UBAP2: variants seen among roughly 807,000 people sequenced by gnomAD.
The protein encoded by UBAP2 is ubiquitin associated protein 2.
UBAP2 carries 75 observed loss-of-function variants against 139.6 expected under a neutral mutation model. That is an observed-to-expected ratio of 0.54 (90% CI 0.45 to 0.65). The LOEUF is 0.65. Ranked by LOEUF, UBAP2 falls within the 30% of genes least tolerant of loss-of-function variation. UBAP2 has a pLI of 0.00. For missense variants in UBAP2, 1,368 were observed against 1,369.6 expected, an observed-to-expected ratio of 1.00 and a Z score of 0.02; for synonymous variants, 526 against 526.2, an observed-to-expected ratio of 1.00 and a Z score of 0.01.
chr9:33,922,635 G>A (rs1328738231), intron 28 of UBAP2, 36 bp from the exon 29 acceptor site: 2 of 1,602,230 alleles, frequency 1.2e-6, no homozygotes, highest in Non-Finnish European at 1.7e-6. Flanking sequence ...GTCAAGGCTG[G>A]AGCAGAACCC....
At chr9:33,937,622 AT>A (rs1824677320) in intron 16 of UBAP2, among the ~76,000 whole-genome samples, 2 of 141,978 alleles carry the variant, frequency 1.4e-5, no homozygotes, top group African/African-American at 2.5e-5. Context: ...AAAAAAAAAA[AT>A]TAAGCTGGGC....
intron 4 of UBAP2, among the ~76,000 whole-genome samples, chr9:33,993,664 TTAA>T (rs1210657815): frequency 6.6e-6 from 1 of 152,168 alleles, no homozygotes; most frequent in Non-Finnish European, 1.5e-5. Flanking sequence ...AGACCCTGTC[TTAA>T]TAAAAAACCC....
At chr9:34,045,278 G>A (rs982387098) in intron 1 of UBAP2, among the ~76,000 whole-genome samples, 5 of 151,396 alleles carry the variant, frequency 3.3e-5, no homozygotes, top group African/African-American at 4.9e-5. Context: ...CCCAGAAGGC[G>A]GAGCTTGAAG....
intron 8 of UBAP2, among the ~76,000 whole-genome samples, chr9:33,966,769 G>T (rs1827494336): frequency 6.6e-6 from 1 of 151,956 alleles, no homozygotes; most frequent in Non-Finnish European, 1.5e-5. Context: ...TGCTAGTAAA[G>T]AAGTACCATA....
At chr9:33,997,546 C>T (rs551595072) in intron 3 of UBAP2, 1 of 152,308 alleles carries the variant, frequency 6.6e-6, no homozygotes, top group East Asian at 1.9e-4. Flanking sequence ...AGCAAAAGTT[C>T]TGCATACTCT....
At chr9:34,008,231 C>T (rs947952202) in intron 2 of UBAP2, among the ~76,000 whole-genome samples, 1 of 150,874 alleles carries the variant, frequency 6.6e-6, no homozygotes, top group South Asian at 2.1e-4. Flanking sequence ...GACAGGAAAA[C>T]TGCTTGAACC....
chr9:33,935,901 G>A, intron 16 of UBAP2, 23 bp from the exon 17 acceptor site: 1 of 1,604,842 alleles, frequency 6.2e-7, no homozygotes, highest in Non-Finnish European at 8.5e-7. Flanking sequence ...GAAGAGAAGA[G>A]AATATAAACT....
chr9:34,014,099 C>T (rs2131263965), intron 2 of UBAP2, among the ~76,000 whole-genome samples: 1 of 151,616 alleles, frequency 6.6e-6, no homozygotes, highest in East Asian at 2.0e-4. Context: ...AAGGGGGGGA[C>T]AGATCACTTG....
At chr9:33,998,225 C>CT (rs1564054872) in intron 3 of UBAP2, 1 of 152,438 alleles carries the variant, frequency 6.6e-6, no homozygotes, top group Admixed American at 6.5e-5. Flanking sequence ...CTGCAGGACT[C>CT]TGTCTCTACA....
chr9:33,948,642 G>T, intron 12 of UBAP2, 55 bp from the exon 13 acceptor site: 1 of 1,510,282 alleles, frequency 6.6e-7, no homozygotes, highest in Non-Finnish European at 9.1e-7. Context: ...TTCTGCCCAA[G>T]GCTTTAAAAC....
chr9:33,927,645 G>T (rs965339157), intron 20 of UBAP2, 152 bp downstream of exon 20: 2 of 719,708 alleles, frequency 2.8e-6, no homozygotes, highest in Non-Finnish European at 4.4e-6. Context: ...TCCCCATCAG[G>T]GGTGGGGAGA....
intron 14 of UBAP2, among the ~76,000 whole-genome samples, chr9:33,943,794 T>C (rs1246311515): frequency 2.0e-5 from 3 of 152,058 alleles, no homozygotes; most frequent in African/African-American, 7.2e-5. Context: ...TGGCTGGGCA[T>C]GGTGGCTCAT....
chr9:33,932,452 A>G, intron 19 of UBAP2, 110 bp downstream of exon 19: 1 of 1,273,566 alleles, frequency 7.9e-7, no homozygotes, highest in South Asian at 1.4e-5. Context: ...TCAGCCAAGC[A>G]ACTCTAGATT....
rs1355738913 is a variant in UBAP2 at position 34,015,230 on chromosome 9, T to A, written c.99+1820A>T. 4.6e-5 allele frequency among the ~76,000 whole-genome samples: 7 copies of A among 152,228 alleles called. No individual in the cohort carries two copies. In the South Asian group the frequency reaches 1.0e-3, roughly 22 times the overall value. On this transcript the variant is annotated intron_variant, in intron 2 of 28. Transcript: ENST00000379238. The stretch of plus-strand genomic sequence containing the variant: ...TAATGCTTAATTTTGCACCAGGTAC[T>A]GTGCTTAGCACTTATCTCACTTCAC...
intron 19 of UBAP2, among the ~76,000 whole-genome samples, chr9:33,928,995 A>T (rs575663837): frequency 3.0e-4 from 46 of 152,304 alleles, no homozygotes; most frequent in African/African-American, 1.0e-3. Flanking sequence ...ACCAAGGTAA[A>T]GACAGCCAAA....
Position 33,923,380 on chromosome 9 carries a change from T to C in UBAP2, c.2895A>G (p.Thr965=). The change falls in exon 25 of 29, where the codon ACA becomes ACG. Residue 965 remains threonine (T), a splice_region_variant and synonymous_variant. Coordinates refer to ENST00000379238, the MANE Select transcript of UBAP2 (RefSeq NM_001370062.2). ...CTCTGTCTGGGAAGTACCCCTCACC[T>C]GTACTGTAGCCGTGCTGGCCATAAC... ...ASGYGQHGYS[T]GYDDLTQGTA... The C allele has an allele frequency of 6.2e-7, 1 of 1,614,180 alleles. No individual in the cohort carries two copies. Among genetic ancestry groups the C allele is most frequent in the Non-Finnish European group, 8.5e-7 (1 of 1,179,994 alleles).
At chr9:33,999,829 C>A (rs1564055600) in intron 2 of UBAP2, among the ~76,000 whole-genome samples, 1 of 151,796 alleles carries the variant, frequency 6.6e-6, no homozygotes, top group South Asian at 2.1e-4. Context: ...CCTGCCTCAG[C>A]CTCCAGAGTA....
chr9:34,007,612 G>T (rs919592171), intron 2 of UBAP2, among the ~76,000 whole-genome samples: 3 of 151,260 alleles, frequency 2.0e-5, no homozygotes, highest in Non-Finnish European at 4.4e-5. Context: ...TTATTGAAAT[G>T]ATCATATGTT....
rs188775673 is a variant in UBAP2 at position 33,922,224 on chromosome 9, C to T, written c.*280G>A. On this transcript the variant is annotated 3_prime_UTR_variant, in exon 29 of 29. Transcript: ENST00000379238. ...CCTGAAGGCAGATGGGGTGGGGGTG[C>T]TTATTTTGCTACAGTGGAGAAGGGG... 62 of 436,464 alleles carry T rather than the reference C, an allele frequency of 1.4e-4. No individual in the cohort carries two copies. In the East Asian group the frequency reaches 2.9e-3, roughly 20 times the overall value. The allele number at this position is 436,464 out of a possible 1,614,324, so 27.0% of individuals were successfully genotyped here.
Sources: allele counts gnomAD v4.1 joint callset (sites outside exome capture counted in the v4.1 genomes callset), GRCh38; gene constraint gnomAD v4.1.1; transcripts MANE v1.5; gene names NCBI Gene and HGNC (gene_info 2026-07-23, HGNC 2026-07-21).